The following EAF2 variants were observed in gnomAD, a reference collection of about 807,000 sequenced individuals.
EAF2 encodes the protein ELL associated factor 2.
Under a neutral mutation model 29.4 loss-of-function variants are expected in EAF2, and 29 were observed. The observed-to-expected ratio is 0.99, with a 90% CI of 0.73 to 1.35. The LOEUF (loss-of-function observed/expected upper bound fraction) is 1.35, where lower values mean the gene tolerates loss of function less well. Among genes scored for constraint, EAF2 ranks in the 40% most tolerant of loss-of-function variants. The pLI is 0.00. For synonymous variants in EAF2, 103 were observed against 102.5 expected, an observed-to-expected ratio of 1.00 and a Z score of -0.03; for missense variants, 292 against 312.0, an observed-to-expected ratio of 0.94 and a Z score of 0.48.
rs372987673 is a variant in EAF2, at chr3:121,844,576, C to G, written c.201+29C>G. On this transcript the variant is annotated intron_variant, in intron 2 of 5. Coordinates refer to ENST00000273668, the MANE Select transcript of EAF2 (RefSeq NM_018456.6). ...AGTATTTCTGTATCTTTAAAGTGAT[C>G]ACTTTTGTGGGATTCTCAGTAAATT... 10 of 1,405,090 alleles carry G rather than the reference C, an allele frequency of 7.1e-6. No homozygotes were observed. In the African/African-American group the frequency reaches 1.4e-4, roughly 20 times the overall value. The allele number at this position is 1,405,090 out of a possible 1,614,324, so 87.0% of individuals were successfully genotyped here.
intron 2 of EAF2, among the ~76,000 whole-genome samples, chr3:121,850,103 T>C (rs1259187432): frequency 2.6e-5 from 4 of 151,704 alleles, no homozygotes; most frequent in Non-Finnish European, 4.4e-5. Context: ...ACATTTTGTA[T>C]GAAGTATATC....
chr3:121,839,364 C>T (rs1708363712), intron 1 of EAF2, among the ~76,000 whole-genome samples: 1 of 152,144 alleles, frequency 6.6e-6, no homozygotes, highest in Non-Finnish European at 1.5e-5. Context: ...AGCTTGACTG[C>T]CTGGGTTACC....
intron 4 of EAF2, among the ~76,000 whole-genome samples, chr3:121,857,542 A>G (rs1274570952): frequency 2.0e-5 from 3 of 152,118 alleles, no homozygotes; most frequent in African/African-American, 4.8e-5. Flanking sequence ...ATTTTAATTA[A>G]CAGTGGTACT....
At chr3:121,877,917 T>A (rs1709128647) in intron 5 of EAF2, among the ~76,000 whole-genome samples, 1 of 152,078 alleles carries the variant, frequency 6.6e-6, no homozygotes, top group Admixed American at 6.6e-5. Context: ...CAGTACCTAG[T>A]ACTGCAGGCA....
At chr3:121,865,384 C>A (rs1708906190) in intron 4 of EAF2, among the ~76,000 whole-genome samples, 1 of 152,180 alleles carries the variant, frequency 6.6e-6, no homozygotes, top group South Asian at 2.1e-4. Context: ...TAACATATTC[C>A]TTAGATTGCA....
At chr3:121,876,031 A>C (rs1709089360) in intron 5 of EAF2, among the ~76,000 whole-genome samples, 1 of 151,928 alleles carries the variant, frequency 6.6e-6, no homozygotes, top group Admixed American at 6.6e-5. Flanking sequence ...AATCCTGAGA[A>C]TTTTCCAGAA....
intron 1 of EAF2, among the ~76,000 whole-genome samples, chr3:121,843,782 T>C (rs1469025539): frequency 2.0e-5 from 3 of 152,168 alleles, no homozygotes; most frequent in Non-Finnish European, 4.4e-5. Context: ...TAAATTGTAT[T>C]TTAAGATCTT....
chr3:121,883,379 AT>A (rs1488957770), intron 5 of EAF2, among the ~76,000 whole-genome samples: 1 of 152,184 alleles, frequency 6.6e-6, no homozygotes, highest in Non-Finnish European at 1.5e-5. Context: ...TTAAAAGAAA[AT>A]TTTTGAAAAG....
Position 121,841,504 on chromosome 3 carries a change from C to CAAAAAAA in EAF2, c.107-2916_107-2910dup, listed in dbSNP as rs57868658. On this transcript the variant is annotated intron_variant, in intron 1 of 5. Coordinates refer to ENST00000273668, the MANE Select transcript of EAF2 (RefSeq NM_018456.6). ...TAGGCGGCAGAGGGAGACCCTGTCT[C>CAAAAAAA]AAAAAAAAAAAAAAAAAAAAAAAAA... Among the ~76,000 whole-genome samples the CAAAAAAA allele has an allele frequency of 3.7e-3, 96 of 25,906 alleles. 1 individual carries two copies. The highest frequency in any genetic ancestry group is 5.0e-3 in the Non-Finnish European group (64 of 12,674). The allele number at this position is 25,906 out of a possible 152,430, so 17.0% of individuals were successfully genotyped here.
At chr3:121,885,239 T>A (rs1224833238) in intron 5 of EAF2, among the ~76,000 whole-genome samples, 1 of 152,178 alleles carries the variant, frequency 6.6e-6, no homozygotes, top group Admixed American at 6.5e-5. Context: ...AAATTCAATG[T>A]TTTAATTAGT....
intron 5 of EAF2, among the ~76,000 whole-genome samples, chr3:121,880,526 TTTC>T (rs954308809): frequency 2.4e-4 from 37 of 152,002 alleles, no homozygotes; most frequent in African/African-American, 8.9e-4. Flanking sequence ...GCTTTCTTGA[TTTC>T]TTCTTGTTTG....
chr3:121,837,011 A>T (rs963726449), intron 1 of EAF2, among the ~76,000 whole-genome samples: 8 of 152,166 alleles, frequency 5.3e-5, no homozygotes, highest in African/African-American at 1.9e-4. Context: ...GTATCTTGAA[A>T]GTCAGAGGAT....
chr3:121,846,065 T>G (rs1175920110), intron 2 of EAF2, among the ~76,000 whole-genome samples: 3 of 152,222 alleles, frequency 2.0e-5, no homozygotes, highest in Non-Finnish European at 4.4e-5. Flanking sequence ...TTCTTTGTTT[T>G]GTTTAATTTT....
At chr3:121,870,077 G>A (rs1471351125) in intron 4 of EAF2, among the ~76,000 whole-genome samples, 6 of 151,934 alleles carry the variant, frequency 3.9e-5, no homozygotes, top group African/African-American at 1.2e-4. Flanking sequence ...AAAATAGCCA[G>A]ACCAAGAAGT....
rs1018610809 is a variant in EAF2, at chr3:121,886,500, G to T, written c.*112G>T. ...TATGTCTTAACTTTTGATGATAAAA[G>T]AAATTAAATTTGATTCAGAAATTTC... On this transcript the variant is annotated 3_prime_UTR_variant, in exon 6 of 6. Coordinates refer to ENST00000273668, the MANE Select transcript of EAF2 (RefSeq NM_018456.6). 3 of 507,536 alleles carry T rather than the reference G, an allele frequency of 5.9e-6. No individual in the cohort carries two copies. The highest frequency in any genetic ancestry group is 1.3e-4 in the South Asian group (2 of 15,284). The allele number at this position is 507,536 out of a possible 1,614,324, so 31.4% of individuals were successfully genotyped here. A position where few individuals can be genotyped will look rare whatever the true frequency, so the allele number is the denominator to read the frequency against.
intron 5 of EAF2, among the ~76,000 whole-genome samples, chr3:121,882,055 A>G (rs1425577287): frequency 6.6e-6 from 1 of 152,160 alleles, no homozygotes; most frequent in Non-Finnish European, 1.5e-5. Context: ...TAATTTGAAA[A>G]CATGTACTTG....
rs1156906793 is a variant in EAF2 at position 121,886,355 on chromosome 3, G to A, written c.750G>A (p.Gln250=). 2 of 1,489,322 alleles carry A rather than the reference G, an allele frequency of 1.3e-6. No individual in the cohort carries two copies. The highest frequency in any genetic ancestry group is 2.5e-5 in the East Asian group (1 of 39,700). 92.3% of individuals were successfully genotyped at this position (1,489,322 alleles called of 1,614,324 possible). A position where few individuals can be genotyped will look rare whatever the true frequency, so the allele number is the denominator to read the frequency against. ...LLMNTLRNDL[Q]LSESGSDSDD ...TTCTTATTTTAGGAAATGATTTGCAGCTGAGTGAATCAGGAAGTGACAGTG... is the reference window on the plus strand; with the variant it reads ...TTCTTATTTTAGGAAATGATTTGCAACTGAGTGAATCAGGAAGTGACAGTG... The change falls in exon 6 of 6, where the codon CAG becomes CAA. Residue 250 remains glutamine (Q), a synonymous_variant. Coordinates refer to ENST00000273668, the MANE Select transcript of EAF2 (RefSeq NM_018456.6).
intron 4 of EAF2, among the ~76,000 whole-genome samples, chr3:121,863,349 C>A (rs1014791731): frequency 2.0e-5 from 3 of 152,160 alleles, no homozygotes; most frequent in African/African-American, 7.2e-5. Flanking sequence ...CCACCTGGTT[C>A]AAGCTTCCAG....
At chr3:121,842,227 A>T (rs1002322732) in intron 1 of EAF2, among the ~76,000 whole-genome samples, 10 of 152,184 alleles carry the variant, frequency 6.6e-5, no homozygotes, top group Non-Finnish European at 1.3e-4. Flanking sequence ...AACAAAGTCC[A>T]CTAGTATAGG....
Sources: gnomAD v4.1 joint callset for allele counts (sites outside exome capture counted in the v4.1 genomes callset) on GRCh38, gnomAD v4.1.1 for gene constraint, MANE v1.5 for transcripts, NCBI Gene and HGNC (gene_info 2026-07-23, HGNC 2026-07-21) for gene names.